PRKG1: variants seen among roughly 807,000 people sequenced by gnomAD.
The protein encoded by PRKG1 is cGMP-dependent protein kinase 1.
Under a neutral mutation model 88.1 loss-of-function variants are expected in PRKG1, and 35 were observed. The ratio of observed to expected loss-of-function variants is 0.40; its 90% CI spans 0.30 to 0.53. PRKG1 has a LOEUF of 0.53. Ranked by LOEUF, PRKG1 falls within the 20% of genes least tolerant of loss-of-function variation. PRKG1 has a pLI of 0.59. For missense variants in PRKG1, 540 were observed against 839.8 expected (o/e 0.64, Z 4.41); for synonymous variants, 303 against 292.5 (o/e 1.04, Z -0.37).
chr10:51,735,871 ATATATATATGTATATT>A (rs1260710384), intron 3 of PRKG1, among the ~76,000 whole-genome samples: 19 of 118,560 alleles, frequency 1.6e-4, no homozygotes, highest in African/African-American at 6.8e-4. Flanking sequence ...ATATATATAT[ATATATATATGTATATT>A]TATTTATTTA....
intron 1 of PRKG1, among the ~76,000 whole-genome samples, chr10:51,129,782 T>A (rs1777159119): frequency 6.6e-6 from 1 of 152,180 alleles, no homozygotes. Context: ...TTCTCCAATC[T>A]CTTTTCTCAT....
chr10:51,784,612 C>A (rs949447223), intron 3 of PRKG1, among the ~76,000 whole-genome samples: 2 of 152,088 alleles, frequency 1.3e-5, no homozygotes. Flanking sequence ...TGTCACTTTG[C>A]TAGTTATTGG....
At chr10:52,152,225 G>A (rs561391976) in intron 8 of PRKG1, among the ~76,000 whole-genome samples, 3 of 152,190 alleles carry the variant, frequency 2.0e-5, no homozygotes, top group East Asian at 1.9e-4. Flanking sequence ...GTGGTTGAGC[G>A]AGTCCATCCA....
chr10:51,714,669 C>T (rs1841843639), intron 3 of PRKG1, among the ~76,000 whole-genome samples: 1 of 152,092 alleles, frequency 6.6e-6, no homozygotes, highest in African/African-American at 2.4e-5. Flanking sequence ...CACCCAATGG[C>T]CATGACACTT....
chr10:51,472,690 T>C (rs1326283065), intron 3 of PRKG1, among the ~76,000 whole-genome samples: 1 of 151,914 alleles, frequency 6.6e-6, no homozygotes, highest in African/African-American at 2.4e-5. Flanking sequence ...CACATCCACA[T>C]GTGAAAATGA....
intron 2 of PRKG1, among the ~76,000 whole-genome samples, chr10:51,405,808 G>A (rs1421140028): frequency 6.6e-6 from 1 of 152,122 alleles, no homozygotes; most frequent in Non-Finnish European, 1.5e-5. Context: ...AAACCACGTG[G>A]GGTTCATCTC....
chr10:51,411,354 C>T lies in PRKG1; in HGVS notation c.479-56369C>T, dbSNP rs570323489. 1.3e-4 allele frequency among the ~76,000 whole-genome samples: 20 copies of T among 152,164 alleles called. No individual in the cohort carries two copies. In the South Asian group the frequency reaches 2.9e-3, roughly 22 times the overall value. ...TAAATTTGACAGGGTTTAATCAACT[C>T]GTTTAATGGTATGATAAGGAATGTT... On this transcript the variant is annotated intron_variant, in intron 2 of 17. Transcript: ENST00000373980.
chr10:52,202,178 T>C (rs1267110183), intron 9 of PRKG1, among the ~76,000 whole-genome samples: 1 of 151,662 alleles, frequency 6.6e-6, no homozygotes, highest in Non-Finnish European at 1.5e-5. Context: ...TTCTTTAAGA[T>C]GCTGTCATAG....
intron 1 of PRKG1, among the ~76,000 whole-genome samples, chr10:51,003,099 A>G (rs566671083): frequency 3.9e-5 from 6 of 152,310 alleles, no homozygotes; most frequent in Admixed American, 2.6e-4. Context: ...TACACTGTCT[A>G]TGACTGCCAG....
chr10:51,777,782 C>A (rs577635719), intron 3 of PRKG1, among the ~76,000 whole-genome samples: 2 of 152,258 alleles, frequency 1.3e-5, no homozygotes, highest in South Asian at 2.1e-4. Context: ...TCACTCCCAA[C>A]CTCAACCCTT....
chr10:52,213,030 C>T lies in PRKG1; in HGVS notation c.1077-38540C>T, dbSNP rs559995750. Among the ~76,000 whole-genome samples the T allele has an allele frequency of 4.6e-5, 7 of 152,212 alleles. No homozygotes were observed. In the East Asian group the frequency reaches 1.2e-3, roughly 25 times the overall value. On this transcript the variant is annotated intron_variant, in intron 9 of 17. Transcript: ENST00000373980. Reference sequence around the variant, plus strand: ...CACTGCGTACATGAATGTTTACACACTAAGAAATTGACTTTTGCACTTAAA... The same window carrying T: ...CACTGCGTACATGAATGTTTACACATTAAGAAATTGACTTTTGCACTTAAA...
chr10:51,550,812 A>C (rs1443490116), intron 3 of PRKG1, among the ~76,000 whole-genome samples: 1 of 151,984 alleles, frequency 6.6e-6, no homozygotes, highest in Non-Finnish European at 1.5e-5. Flanking sequence ...TATGGTTTCA[A>C]ACATGAAACC....
chr10:51,654,781 G>A (rs541786009), intron 3 of PRKG1, among the ~76,000 whole-genome samples: 27 of 151,910 alleles, frequency 1.8e-4, no homozygotes, highest in African/African-American at 5.8e-4. Flanking sequence ...CAAATTTTTT[G>A]ATTAATGTTT....
chr10:51,721,897 C>T (rs1564621114), intron 3 of PRKG1, among the ~76,000 whole-genome samples: 1 of 152,168 alleles, frequency 6.6e-6, no homozygotes, highest in Non-Finnish European at 1.5e-5. Flanking sequence ...TGCATTTTTG[C>T]CTTGCCTTCT....
At chr10:51,277,682 A>C (rs530874981) in intron 2 of PRKG1, among the ~76,000 whole-genome samples, 1 of 152,262 alleles carries the variant, frequency 6.6e-6, no homozygotes, top group South Asian at 2.1e-4. Flanking sequence ...CATCCCTTGT[A>C]AGTTGGATTC....
chr10:51,633,348 A>G (rs1839574134), intron 3 of PRKG1, among the ~76,000 whole-genome samples: 1 of 152,170 alleles, frequency 6.6e-6, no homozygotes, highest in African/African-American at 2.4e-5. Flanking sequence ...CTTTTAAACA[A>G]ATTTTCACCC....
chr10:51,727,824 A>G (rs1371815543), intron 3 of PRKG1, among the ~76,000 whole-genome samples: 1 of 152,156 alleles, frequency 6.6e-6, no homozygotes, highest in African/African-American at 2.4e-5. Flanking sequence ...TAATATATTG[A>G]AGTCTAAAAG....
At chr10:51,426,092 A>G (rs775225064) in intron 2 of PRKG1, among the ~76,000 whole-genome samples, 40 of 152,294 alleles carry the variant, frequency 2.6e-4, no homozygotes, top group Admixed American at 1.1e-3. Context: ...CCTGGCTAAC[A>G]TGGTGAAACC....
chr10:51,964,027 T>G (rs1256323018), intron 5 of PRKG1, among the ~76,000 whole-genome samples: 2 of 152,218 alleles, frequency 1.3e-5, no homozygotes, highest in African/African-American at 4.8e-5. Context: ...TAAAGTTCCA[T>G]GGAAAAAATC....
Sources: gnomAD v4.1 joint callset for allele counts (sites outside exome capture counted in the v4.1 genomes callset) on GRCh38, gnomAD v4.1.1 for gene constraint, MANE v1.5 for transcripts, NCBI Gene and HGNC (gene_info 2026-07-23, HGNC 2026-07-21) for gene names.